Variants in AUTS2 observed in about 807,000 individuals in gnomAD.
AUTS2 encodes the protein autism susceptibility gene 2 protein.
In AUTS2, 17 loss-of-function variants were observed where a neutral mutation model predicts 112.4. The ratio of observed to expected loss-of-function variants is 0.15; its 90% CI spans 0.10 to 0.23. AUTS2 has a LOEUF of 0.23. Ranked by LOEUF, AUTS2 falls within the 10% of genes least tolerant of loss-of-function variation. AUTS2 has a pLI of 1.00. For missense variants in AUTS2, 1,510 were observed against 1,701.6 expected (o/e 0.89, Z 1.98); for synonymous variants, 751 against 702.7 (o/e 1.07, Z -1.09).
intron 5 of AUTS2, among the ~76,000 whole-genome samples, chr7:70,688,016 C>T (rs548460126): frequency 1.3e-5 from 2 of 152,304 alleles, no homozygotes; most frequent in African/African-American, 4.8e-5. Flanking sequence ...GGCGGGCAAC[C>T]TGTTGACTCC....
At chr7:69,927,316 G>A (rs11762487) in intron 2 of AUTS2, among the ~76,000 whole-genome samples, 12,690 of 150,348 alleles carry the variant, frequency 0.084, 689 homozygotes, top group African/African-American at 0.14. Context: ...TTACATTTAC[G>A]CCTTTATAGC....
intron 4 of AUTS2, among the ~76,000 whole-genome samples, chr7:70,344,830 G>A (rs1160724225): frequency 1.3e-5 from 2 of 152,158 alleles, no homozygotes; most frequent in Non-Finnish European, 1.5e-5. Context: ...ACTCTGGGAT[G>A]TTTTCAGGAG....
chr7:70,155,558 G>C lies in AUTS2; in HGVS notation c.660+20987G>C, dbSNP rs559930826. Among the ~76,000 whole-genome samples the C allele has an allele frequency of 3.3e-5, 5 of 151,506 alleles. No individual in the cohort carries two copies. In the East Asian group the frequency reaches 7.8e-4, roughly 24 times the overall value. On this transcript the variant is annotated intron_variant, in intron 4 of 18. Coordinates refer to ENST00000342771, the MANE Select transcript of AUTS2 (RefSeq NM_015570.4). The stretch of plus-strand genomic sequence containing the variant: ...AAGCCTCTGCTGATAGCTGTGTGCC[G>C]TTTGTTTTTAATCCTTTCTCGGTAT...
intron 5 of AUTS2, among the ~76,000 whole-genome samples, chr7:70,633,610 CAAAA>C (rs71870928): frequency 2.9e-5 from 3 of 104,882 alleles, no homozygotes; most frequent in Admixed American, 1.1e-4. Context: ...GACTCCGTCT[CAAAA>C]AAAAAAAAAA....
chr7:69,985,188 G>T (rs913790521), intron 2 of AUTS2, among the ~76,000 whole-genome samples: 3 of 144,492 alleles, frequency 2.1e-5, no homozygotes, highest in African/African-American at 7.8e-5. Flanking sequence ...CTATGGTCAT[G>T]CCACTGCACT....
At chr7:70,122,671 T>C (rs1192829524) in intron 3 of AUTS2, among the ~76,000 whole-genome samples, 1 of 152,162 alleles carries the variant, frequency 6.6e-6, no homozygotes, top group Non-Finnish European at 1.5e-5. Flanking sequence ...GTAGGCGTAT[T>C]GTTCATTAAT....
chr7:69,875,549 T>G (rs570418898), intron 1 of AUTS2, among the ~76,000 whole-genome samples: 13 of 152,322 alleles, frequency 8.5e-5, no homozygotes, highest in African/African-American at 2.6e-4. Flanking sequence ...CCTGGTTCCA[T>G]TTTTGTGTAG....
chr7:70,053,081 A>G (rs1199171665), intron 2 of AUTS2, among the ~76,000 whole-genome samples: 1 of 152,220 alleles, frequency 6.6e-6, no homozygotes, highest in East Asian at 1.9e-4. Flanking sequence ...CTAGAAAATT[A>G]TAACTCAATT....
intron 5 of AUTS2, among the ~76,000 whole-genome samples, chr7:70,454,428 T>C (rs1278850393): frequency 1.3e-5 from 2 of 152,032 alleles, no homozygotes; most frequent in African/African-American, 4.8e-5. Flanking sequence ...TCCCAGCTAC[T>C]CTGGAGGCTC....
chr7:70,254,254 A>T (rs764661086), intron 4 of AUTS2, among the ~76,000 whole-genome samples: 2 of 152,224 alleles, frequency 1.3e-5, no homozygotes, highest in Non-Finnish European at 2.9e-5. Context: ...CTACTCTAAA[A>T]ATCAAGTAAT....
At chr7:69,624,895 T>C (rs2129095882) in intron 1 of AUTS2, among the ~76,000 whole-genome samples, 1 of 152,276 alleles carries the variant, frequency 6.6e-6, no homozygotes, top group South Asian at 2.1e-4. Context: ...CCATTAATAG[T>C]GGAGAAACTA....
chr7:70,091,734 T>C (rs1803932036), intron 2 of AUTS2, among the ~76,000 whole-genome samples: 1 of 152,200 alleles, frequency 6.6e-6, no homozygotes, highest in African/African-American at 2.4e-5. Context: ...TTCTGGGTCC[T>C]GTGGTAATCA....
chr7:70,655,456 G>C (rs543435590), intron 5 of AUTS2, among the ~76,000 whole-genome samples: 97 of 152,348 alleles, frequency 6.4e-4, no homozygotes, highest in African/African-American at 2.1e-3. Context: ...CTCAGTGTTG[G>C]GGGATGACTT....
At chr7:70,476,250 G>A (rs1278675948) in intron 5 of AUTS2, among the ~76,000 whole-genome samples, 7 of 152,004 alleles carry the variant, frequency 4.6e-5, no homozygotes, top group South Asian at 4.2e-4. Flanking sequence ...CAAATGATTC[G>A]TCCAGTGAGT....
intron 4 of AUTS2, among the ~76,000 whole-genome samples, chr7:70,205,568 A>G (rs1810531091): frequency 6.6e-6 from 1 of 152,240 alleles, no homozygotes; most frequent in Non-Finnish European, 1.5e-5. Flanking sequence ...TATGCTATTC[A>G]GTACAGTAAC....
At chr7:69,620,012 C>T (rs1045982561) in intron 1 of AUTS2, among the ~76,000 whole-genome samples, 2 of 152,148 alleles carry the variant, frequency 1.3e-5, no homozygotes, top group African/African-American at 4.8e-5. Context: ...ATTACAAATG[C>T]CTTCATGAAT....
intron 1 of AUTS2, among the ~76,000 whole-genome samples, chr7:69,709,561 G>T (rs1224887264): frequency 6.6e-6 from 1 of 152,144 alleles, no homozygotes; most frequent in African/African-American, 2.4e-5. Flanking sequence ...TAAAGATGAT[G>T]AAAAGAGACA....
chr7:69,694,548 A>G (rs1388172474), intron 1 of AUTS2, among the ~76,000 whole-genome samples: 2 of 151,920 alleles, frequency 1.3e-5, no homozygotes, highest in Non-Finnish European at 2.9e-5. Flanking sequence ...GGAGGCTGAG[A>G]TGGGCAGATG....
chr7:69,660,560 G>A (rs1347227733), intron 1 of AUTS2, among the ~76,000 whole-genome samples: 1 of 152,176 alleles, frequency 6.6e-6, no homozygotes, highest in Non-Finnish European at 1.5e-5. Flanking sequence ...AGGTGGTTCT[G>A]TGTTAGTGAG....
Sources: gnomAD v4.1 joint callset for allele counts (sites outside exome capture counted in the v4.1 genomes callset) on GRCh38, gnomAD v4.1.1 for gene constraint, MANE v1.5 for transcripts, NCBI Gene and HGNC (gene_info 2026-07-23, HGNC 2026-07-21) for gene names.